Variants in GPALPP1 observed in about 807,000 individuals in gnomAD.
GPALPP1 encodes the protein GPALPP motifs-containing protein 1.
A neutral mutation model predicts 38.9 loss-of-function variants in GPALPP1; 30 were observed. The observed-to-expected ratio is 0.77, with a 90% confidence interval of 0.58 to 1.05. The LOEUF is 1.05. Ranked by LOEUF, GPALPP1 falls within the 50% of genes least tolerant of loss-of-function variation. GPALPP1 has a pLI of 0.00. For synonymous variants in GPALPP1, 120 were observed against 139.2 expected, an observed-to-expected ratio of 0.86 and a Z score of 0.97; for missense variants, 384 against 408.8, an observed-to-expected ratio of 0.94 and a Z score of 0.52.
chr13:45,028,812 G>A lies in GPALPP1; in HGVS notation c.*809G>A, dbSNP rs909117238. On this transcript the variant is annotated 3_prime_UTR_variant, in exon 8 of 8. Transcript: ENST00000379151. ...CACCTGTAATCCCAGCACTTTGGGA[G>A]GGTGAGGCGGGTGGATCACCTGAGG... The A allele has an allele frequency of 1.5e-4, 23 of 152,210 alleles. No homozygotes were observed. The highest frequency in any genetic ancestry group is 5.6e-4 in the African/African-American group (23 of 41,428). The allele number at this position is 152,210 out of a possible 1,614,324, so 9.4% of individuals were successfully genotyped here. A position where few individuals can be genotyped will look rare whatever the true frequency, so the allele number is the denominator to read the frequency against.
intron 1 of GPALPP1, among the ~76,000 whole-genome samples, chr13:44,997,026 A>G (rs568278065): frequency 3.3e-5 from 5 of 150,210 alleles, no homozygotes; most frequent in Middle Eastern, 3.5e-3. Flanking sequence ...GCACCATTCT[A>G]CTTTCTGTCT....
chr13:45,033,980 C>T (rs771319373), downstream of GPALPP1: 1 of 152,146 alleles, frequency 6.6e-6, no homozygotes, highest in African/African-American at 2.4e-5. Flanking sequence ...GTCTCTCTAA[C>T]TCCCAAATTG....
Position 45,020,313 on chromosome 13 carries a change from C to T in GPALPP1, c.706-17C>T, listed in dbSNP as rs1566082898. 2.1e-6 allele frequency: 2 copies of T among 933,100 alleles called. No homozygotes were observed. The highest frequency in any genetic ancestry group is 3.5e-6 in the Non-Finnish European group (2 of 566,626). 57.8% of individuals were successfully genotyped at this position (933,100 alleles called of 1,614,324 possible). A position where few individuals can be genotyped will look rare whatever the true frequency, so the allele number is the denominator to read the frequency against. On this transcript the variant is annotated splice_polypyrimidine_tract_variant and intron_variant, in intron 6 of 7. Coordinates refer to ENST00000379151, the MANE Select transcript of GPALPP1 (RefSeq NM_018559.5). The stretch of plus-strand genomic sequence containing the variant: ...ATCTTATGATTCAGTAATGTGTTAT[C>T]TGTGTTCATTCCTCAGGAAACACAA...
intron 1 of GPALPP1, among the ~76,000 whole-genome samples, chr13:44,994,816 C>T (rs961092515): frequency 2.6e-5 from 4 of 151,592 alleles, no homozygotes; most frequent in East Asian, 1.9e-4. Context: ...TTATATATAT[C>T]GTTAGATAAT....
At chr13:45,008,076 T>C (rs913741457) in intron 3 of GPALPP1, among the ~76,000 whole-genome samples, 1 of 152,158 alleles carries the variant, frequency 6.6e-6, no homozygotes, top group Non-Finnish European at 1.5e-5. Context: ...TTACTAATTG[T>C]GTTAATCTTG....
intron 7 of GPALPP1, among the ~76,000 whole-genome samples, chr13:45,025,923 A>G (rs1875800581): frequency 6.6e-6 from 1 of 152,088 alleles, no homozygotes; most frequent in Admixed American, 6.6e-5. Context: ...GGCATTCGCC[A>G]CCATGCCTGG....
intron 3 of GPALPP1, among the ~76,000 whole-genome samples, chr13:45,007,870 A>T (rs1874206486): frequency 6.6e-6 from 1 of 152,130 alleles, no homozygotes; most frequent in Non-Finnish European, 1.5e-5. Flanking sequence ...GAAAGAGAGC[A>T]TTTTTTTATT....
At chr13:45,021,830 A>C (rs1875453228) in intron 7 of GPALPP1, among the ~76,000 whole-genome samples, 1 of 152,188 alleles carries the variant, frequency 6.6e-6, no homozygotes, top group Non-Finnish European at 1.5e-5. Flanking sequence ...GTAAGAAAAG[A>C]CCAATGGCTA....
intron 1 of GPALPP1, among the ~76,000 whole-genome samples, chr13:45,003,369 T>C (rs1443340708): frequency 1.3e-5 from 2 of 152,238 alleles, no homozygotes; most frequent in African/African-American, 2.4e-5. Context: ...GTAACAAATA[T>C]TACTATTACT....
intron 1 of GPALPP1, among the ~76,000 whole-genome samples, chr13:44,995,200 A>ACACACACACACACACACACACC (rs1463739894): frequency 2.9e-5 from 1 of 34,892 alleles, no homozygotes; most frequent in Admixed American, 3.1e-4. Flanking sequence ...ACACACACAC[A>ACACACACACACACACACACACC]CACCCCTTCT....
chr13:44,999,938 T>C (rs1219392052), intron 1 of GPALPP1, among the ~76,000 whole-genome samples: 1 of 152,208 alleles, frequency 6.6e-6, no homozygotes, highest in Non-Finnish European at 1.5e-5. Context: ...AAATAGTTGT[T>C]TATTTTGAAC....
At chr13:45,036,183 C>A (rs1428876211) in exon 8 of GPALPP1, 2 of 152,272 alleles carry the variant, frequency 1.3e-5, no homozygotes, top group Non-Finnish European at 2.9e-5. Flanking sequence ...ATTGTCACTT[C>A]TCTTGAGTGA....
At chr13:45,008,683 T>C (rs1379536500) in intron 3 of GPALPP1, 112 bp from the exon 4 acceptor site, 5 of 602,020 alleles carry the variant, frequency 8.3e-6, no homozygotes, top group Non-Finnish European at 1.5e-5. Flanking sequence ...TTAAATAAAA[T>C]TCTTATTTTC....
rs1416596770 is a variant in GPALPP1 at position 45,005,849 on chromosome 13, AC to A, written c.222-349del. 3.3e-5 allele frequency among the ~76,000 whole-genome samples: 5 copies of A among 152,128 alleles called. No individual in the cohort carries two copies. The East Asian group carries it at 9.7e-4, about 29-fold the overall frequency. ...AGACCAGCCTGGCCAACATGGTGAA[AC>A]CCCGTCTCTACTAAAAAATACAAAA... On this transcript the variant is annotated intron_variant, in intron 2 of 7. Coordinates refer to ENST00000379151, the MANE Select transcript of GPALPP1 (RefSeq NM_018559.5).
intron 4 of GPALPP1, among the ~76,000 whole-genome samples, chr13:45,012,437 A>G (rs1874546692): frequency 6.6e-6 from 1 of 152,184 alleles, no homozygotes; most frequent in Admixed American, 6.5e-5. Context: ...CAGTTGGTAA[A>G]TCTGAGTGAT....
chr13:45,023,736 T>G (rs180874561), intron 7 of GPALPP1, among the ~76,000 whole-genome samples: 8 of 152,322 alleles, frequency 5.3e-5, no homozygotes, highest in East Asian at 3.9e-4. Context: ...AAGGACTTAT[T>G]ATCTCACTAG....
At position 44,989,644 on chromosome 13, in the gene GPALPP1, C is replaced by G. The variant is rs1273653476; in HGVS notation, c.-11C>G. ...TAGACTCATATCTGTGACCAGTGTCCGCCACCGCGGATGGCAAGAGACCTG... is the reference window on the plus strand; with the variant it reads ...TAGACTCATATCTGTGACCAGTGTCGGCCACCGCGGATGGCAAGAGACCTG... On this transcript the variant is annotated 5_prime_UTR_variant, in exon 1 of 8. Coordinates refer to ENST00000379151, the MANE Select transcript of GPALPP1 (RefSeq NM_018559.5). 6.2e-7 allele frequency: 1 copy of G among 1,607,756 alleles called. No individual in the cohort carries two copies. The highest frequency in any genetic ancestry group is 1.3e-5 in the African/African-American group (1 of 74,914).
At chr13:45,024,317 C>T (rs925291043) in intron 7 of GPALPP1, among the ~76,000 whole-genome samples, 3 of 139,342 alleles carry the variant, frequency 2.2e-5, no homozygotes, top group African/African-American at 8.2e-5. Context: ...TGTTTTGAGA[C>T]TGAGTCTCGC....
chr13:45,027,752 T>A, intron 7 of GPALPP1, 33 bp from the exon 8 acceptor site: 1 of 981,446 alleles, frequency 1.0e-6, no homozygotes, highest in Non-Finnish European at 1.6e-6. Context: ...ATACAAACTA[T>A]AGTTTTTATT....
Sources: allele counts gnomAD v4.1 joint callset (sites outside exome capture counted in the v4.1 genomes callset), GRCh38; gene constraint gnomAD v4.1.1; transcripts MANE v1.5; gene names NCBI Gene and HGNC (gene_info 2026-07-23, HGNC 2026-07-21).